The following ANKRD53 variants were observed in gnomAD, a reference collection of about 807,000 sequenced individuals.
The protein encoded by ANKRD53 is ankyrin repeat domain 53.
A neutral mutation model predicts 30.1 loss-of-function variants in ANKRD53; 27 were observed. The observed-to-expected ratio is 0.90, with a 90% CI of 0.66 to 1.24. The LOEUF (loss-of-function observed/expected upper bound fraction) is 1.24, where lower values mean the gene tolerates loss of function less well. ANKRD53 is among the 50% of genes most tolerant of loss of function. ANKRD53 has a pLI of 0.00. For synonymous variants in ANKRD53, 286 were observed against 295.4 expected, an observed-to-expected ratio of 0.97 and a Z score of 0.33; for missense variants, 682 against 721.0, an observed-to-expected ratio of 0.95 and a Z score of 0.62.
upstream of ANKRD53, chr2:70,978,480 G>C: frequency 3.9e-6 from 3 of 765,780 alleles, no homozygotes; most frequent in Non-Finnish European, 3.8e-6. The surrounding 1 kb of genome is among the most constrained non-coding windows in gnomAD (Gnocchi z 4.3). Flanking sequence ...CAGGGTCCCC[G>C]GAGGCCCCCG....
upstream of ANKRD53, chr2:70,978,500 C>T (rs1470548177): frequency 6.2e-6 from 6 of 975,144 alleles, no homozygotes; most frequent in African/African-American, 1.7e-5. The surrounding 1 kb of genome is among the most constrained non-coding windows in gnomAD (Gnocchi z 4.3). Flanking sequence ...GGGCTCTGCC[C>T]CTCCAGCTAG....
At chr2:70,984,381 C>A in intron 5 of ANKRD53, 1 of 1,578,044 alleles carries the variant, frequency 6.3e-7, no homozygotes, top group Non-Finnish European at 8.6e-7. Context: ...TTTGTCTCCC[C>A]ACTCAGCCCA....
chr2:70,981,920 G>A lies in ANKRD53; in HGVS notation c.618-16G>A, dbSNP rs201936016. 4 of 1,553,862 alleles carry A rather than the reference G, an allele frequency of 2.6e-6. No individual in the cohort carries two copies. Among genetic ancestry groups the A allele is most frequent in the South Asian group, 2.4e-5 (2 of 82,966 alleles). Reference sequence around the variant, plus strand: ...TTCCTTTCTGCCCTTATCCCCACTGGTGGGGCCTTCCACAGTCAGACATGC... The same window carrying A: ...TTCCTTTCTGCCCTTATCCCCACTGATGGGGCCTTCCACAGTCAGACATGC... On this transcript the variant is annotated splice_polypyrimidine_tract_variant and intron_variant, in intron 3 of 5. Transcript: ENST00000360589.
In ANKRD53 at chr2:70,979,342, AG is replaced by A. The variant is rs1558686925; in HGVS notation, c.417+1del. On this transcript the variant is annotated frameshift_variant and splice_region_variant, in exon 2 of 6. Coordinates refer to ENST00000360589, the MANE Select transcript of ANKRD53 (RefSeq NM_001115116.2). LOFTEE classifies it high-confidence loss of function. Reference protein sequence around the residue: ...QSLREIPTDDKGFTAIHFAAQ... With the variant: ...QSLREIPTDDXGFTAIHFAAQ... ...CTCAGGGAAATCCCCACCGACGACA[AG>A]GTAAGGTCTTGAGTGTTGGGGCAAA... The A allele has an allele frequency of 6.2e-7, 1 of 1,613,496 alleles. No homozygotes were observed. Among genetic ancestry groups the A allele is most frequent in the Non-Finnish European group, 8.5e-7 (1 of 1,180,032 alleles).
rs1265018441 is a variant in ANKRD53 at position 70,985,363 on chromosome 2, G to A, written c.*63G>A. On this transcript the variant is annotated 3_prime_UTR_variant, in exon 6 of 6. Transcript: ENST00000360589. ...TGAAGGCTGAAGTGTGGCAATTCACGTTGTGGGTGGCGAGGAAAGGGGGAG... is the reference window on the plus strand; with the variant it reads ...TGAAGGCTGAAGTGTGGCAATTCACATTGTGGGTGGCGAGGAAAGGGGGAG... 1.1e-5 allele frequency: 16 copies of A among 1,443,814 alleles called. No individual in the cohort carries two copies. The highest frequency in any genetic ancestry group is 2.5e-5 in the East Asian group (1 of 39,954). The allele number at this position is 1,443,814 out of a possible 1,614,324, so 89.4% of individuals were successfully genotyped here.
chr2:70,984,556 C>A (rs1670112531), intron 5 of ANKRD53, 55 bp from the exon 6 acceptor site: 18 of 1,582,812 alleles, frequency 1.1e-5, no homozygotes, highest in Non-Finnish European at 1.5e-5. Context: ...CCTCCTTGCC[C>A]AGAAGCAGAG....
At chr2:70,978,609 T>C (rs1346308548), upstream of ANKRD53, 12 of 1,490,356 alleles carry the variant, frequency 8.1e-6, no homozygotes, top group Non-Finnish European at 1.1e-5. The surrounding 1 kb of genome is among the most constrained non-coding windows in gnomAD (Gnocchi z 4.3). Flanking sequence ...GGTGTGTGAG[T>C]AGCCCGCCCG....
chr2:70,985,193 G>C lies in ANKRD53; in HGVS notation c.1486G>C (p.Asp496His). The C allele has an allele frequency of 6.4e-7, 1 of 1,551,406 alleles. No individual in the cohort carries two copies. Among genetic ancestry groups the C allele is most frequent in the African/African-American group, 1.4e-5 (1 of 73,178 alleles). Residue 496 changes from aspartate (D) to histidine (H), a missense_variant, in exon 6 of 6, where the codon GAC (aspartate) becomes CAC (histidine). By Grantham distance (81) the Asp-to-His change is moderately conservative. Transcript: ENST00000360589. Reference protein sequence around the residue: ...RHLGDNTFWTDTLAMNLRDTF... With the variant: ...RHLGDNTFWTHTLAMNLRDTF... ...CCTGGGTGACAACACCTTCTGGACC[G>C]ACACTCTGGCCATGAACCTGCGTGA...
At chr2:70,978,480 G>A (rs1298853513), upstream of ANKRD53, 1 of 765,780 alleles carries the variant, frequency 1.3e-6, no homozygotes, top group Non-Finnish European at 1.9e-6. The surrounding 1 kb of genome is among the most constrained non-coding windows in gnomAD (Gnocchi z 4.3). Flanking sequence ...CAGGGTCCCC[G>A]GAGGCCCCCG....
rs1553423642 is a variant in ANKRD53 at position 70,981,820 on chromosome 2, C to A, written c.618-116C>A. 4.3e-6 allele frequency: 5 copies of A among 1,164,534 alleles called. No homozygotes were observed. In the African/African-American group the frequency reaches 7.9e-5, roughly 18 times the overall value. The allele number at this position is 1,164,534 out of a possible 1,614,324, so 72.1% of individuals were successfully genotyped here. On this transcript the variant is annotated intron_variant, in intron 3 of 5. Transcript: ENST00000360589. ...AAAGGGACAGACATAGCTAGGATCA[C>A]CCAGTGGACTGATGGTAGAGCAGGG... is the stretch of plus-strand genomic sequence containing the variant.
intron 5 of ANKRD53, chr2:70,984,395 G>T: frequency 6.4e-7 from 1 of 1,558,570 alleles, no homozygotes; most frequent in Non-Finnish European, 8.6e-7. Context: ...CAGCCCAGGG[G>T]CTCCCTTATG....
intron 5 of ANKRD53, 126 bp from the exon 6 acceptor site, chr2:70,984,485 A>G: frequency 1.3e-6 from 2 of 1,527,944 alleles, no homozygotes; most frequent in Non-Finnish European, 1.7e-6. Flanking sequence ...TTTCCCTCCC[A>G]TCAGACTCAG....
chr2:70,981,172 T>C (rs185078929), intron 3 of ANKRD53, among the ~76,000 whole-genome samples: 145 of 152,344 alleles, frequency 9.5e-4, no homozygotes, highest in Non-Finnish European at 1.3e-3. Context: ...GCATGGCATA[T>C]AGGAGACTGC....
Position 70,985,038 on chromosome 2 carries a change from T to A in ANKRD53, c.1331T>A (p.Val444Glu). 1 of 1,549,686 alleles carries A rather than the reference T, an allele frequency of 6.5e-7. No individual in the cohort carries two copies. Residue 444 changes from valine (V) to glutamate (E), a missense_variant, in exon 6 of 6, where the codon GTG becomes GAG. Val to Glu is a moderately radical substitution (Grantham distance 121). Coordinates refer to ENST00000360589, the MANE Select transcript of ANKRD53 (RefSeq NM_001115116.2). ...ARLHTVDGHW[V>E]APVPRLPFEV... ...CTGCACACAGTGGACGGCCACTGGG[T>A]GGCGCCCGTGCCGCGGCTGCCTTTT...
At position 70,984,721 on chromosome 2, in the gene ANKRD53, C is replaced by T; in HGVS notation, c.1014C>T (p.Leu338=). 1 of 1,610,462 alleles carries T rather than the reference C, an allele frequency of 6.2e-7. No individual in the cohort carries two copies. The highest frequency in any genetic ancestry group is 8.5e-7 in the Non-Finnish European group (1 of 1,178,030). The change falls in exon 6 of 6, where the codon CTC becomes CTT. Residue 338 remains leucine, a synonymous_variant. Transcript: ENST00000360589. ...CCAAGCAAGCCCGGGCCACCGCCCT[C>T]TCCAAGACCCCAGAGCAACGGGAAT... The part of the protein sequence containing the change: ...SNTKQARATA[L]SKTPEQRESQ...
At chr2:70,984,151 T>C in intron 5 of ANKRD53, 4 of 1,614,152 alleles carry the variant, frequency 2.5e-6, no homozygotes, top group Non-Finnish European at 2.5e-6. Context: ...CACTTCCCAT[T>C]TGCCTTTTCC....
At position 70,979,142 on chromosome 2, in the gene ANKRD53, T is replaced by G; in HGVS notation, c.216T>G (p.Thr72=). 1 of 1,602,734 alleles carries G rather than the reference T, an allele frequency of 6.2e-7. No homozygotes were observed. The highest frequency in any genetic ancestry group is 8.5e-7 in the Non-Finnish European group (1 of 1,174,844). ...DLADHLSAQA[T]ALARPRRPAS... ...CAGACCACCTCAGTGCGCAGGCGAC[T>G]GCCCTCGCCAGGCCGCGCCGCCCTG... The change falls in exon 2 of 6, where the codon ACT becomes ACG. Residue 72 remains threonine, a synonymous_variant. Transcript: ENST00000360589.
rs782705065 is a variant in ANKRD53 at position 70,985,181 on chromosome 2, A to G, written c.1474A>G (p.Thr492Ala). ...CAGGAAGCGGCACCTGGGTGACAAC[A>G]CCTTCTGGACCGACACTCTGGCCAT... ...VPRKRHLGDN[T>A]FWTDTLAMNL... is the part of the protein sequence containing the mutation. Residue 492 changes from threonine (T) to alanine (A), a missense_variant, in exon 6 of 6, where the codon ACC becomes GCC. Coordinates refer to ENST00000360589, the MANE Select transcript of ANKRD53 (RefSeq NM_001115116.2). The G allele has an allele frequency of 3.2e-6, 5 of 1,551,216 alleles. No homozygotes were observed. The South Asian group carries it at 4.8e-5, about 15-fold the overall frequency.
rs1553422869 is a variant in ANKRD53 at position 70,978,806 on chromosome 2, A to G, written c.161A>G (p.Lys54Arg). The G allele has an allele frequency of 4.5e-6, 7 of 1,565,292 alleles. No homozygotes were observed. Among genetic ancestry groups the G allele is most frequent in the Non-Finnish European group, 6.1e-6 (7 of 1,156,522 alleles). Residue 54 changes from lysine to arginine, a missense_variant, in exon 1 of 6, where the codon AAG becomes AGG. Lys to Arg is a conservative substitution (Grantham distance 26). Coordinates refer to ENST00000360589, the MANE Select transcript of ANKRD53 (RefSeq NM_001115116.2). This position sits in a 1 kb window ranked among gnomAD's most constrained non-coding sequence, Gnocchi z 4.3. ...GCCACCTGGACTGACGCGGAGTCCA[A>G]GCAGCCCAGGTGGGTAGCGGGAGAA... is the stretch of plus-strand genomic sequence containing the variant. ...LKATWTDAES[K>R]QPSQPLPDLA...
Sources: allele counts gnomAD v4.1 joint callset (sites outside exome capture counted in the v4.1 genomes callset), GRCh38; gene constraint gnomAD v4.1.1; non-coding constraint Gnocchi (gnomAD v3.1); transcripts MANE v1.5; gene names NCBI Gene and HGNC (gene_info 2026-07-23, HGNC 2026-07-21).